Variants in KLF12 observed in about 807,000 individuals in gnomAD.
KLF12 encodes the protein Krueppel-like factor 12.
KLF12 carries 9 observed loss-of-function variants against 37.8 expected under a neutral mutation model. That is an observed-to-expected ratio of 0.24 (90% CI 0.14 to 0.42). The LOEUF is 0.42. Among genes scored for constraint, KLF12 ranks in the 10% least tolerant of loss-of-function variants. The pLI, the probability that KLF12 is intolerant of heterozygous loss-of-function variation, is 1.00. For missense variants in KLF12, 411 were observed against 516.0 expected (o/e 0.80, Z 1.97); for synonymous variants, 208 against 202.1 (o/e 1.03, Z -0.25).
the KLF12 span, among the ~76,000 whole-genome samples, chr13:74,229,605 A>T: frequency 2.6e-5 from 4 of 152,238 alleles, no homozygotes; most frequent in African/African-American, 4.8e-5. Flanking sequence ...CTATTCACTT[A>T]TACCAACACT....
the KLF12 span, among the ~76,000 whole-genome samples, chr13:74,197,871 G>A: frequency 6.6e-6 from 1 of 152,044 alleles, no homozygotes; most frequent in Non-Finnish European, 1.5e-5. Flanking sequence ...TCCAGGAGGA[G>A]GGTGGATACC....
Position 73,693,687 on chromosome 13 carries a change from T to C in KLF12, c.*1803A>G, listed in dbSNP as rs1873943482. The C allele has an allele frequency of 6.6e-6, 1 of 152,580 alleles. No individual in the cohort carries two copies. The highest frequency in any genetic ancestry group is 1.5e-5 in the Non-Finnish European group (1 of 68,022). 9.5% of individuals were successfully genotyped at this position (152,580 alleles called of 1,614,324 possible). On this transcript the variant is annotated 3_prime_UTR_variant, in exon 8 of 8. Coordinates refer to ENST00000377669, the MANE Select transcript of KLF12 (RefSeq NM_007249.5). ...GACATTTAAAAATGAGCTAGTAATATTGTGAGGTTAATATGTGCAATTCCC... is the reference window on the plus strand; with the variant it reads ...GACATTTAAAAATGAGCTAGTAATACTGTGAGGTTAATATGTGCAATTCCC...
chr13:74,240,236 GAAAATTCTTTTCTTTA>G, the KLF12 span, among the ~76,000 whole-genome samples: 1 of 148,614 alleles, frequency 6.7e-6, no homozygotes, highest in Non-Finnish European at 1.5e-5. Flanking sequence ...GTTCTGGGTT[GAAAATTCTTTTCTTTA>G]AGAATGTTGA....
intron 1 of KLF12, among the ~76,000 whole-genome samples, chr13:74,123,587 A>G (rs1196551255): frequency 6.6e-6 from 1 of 152,192 alleles, no homozygotes; most frequent in Non-Finnish European, 1.5e-5. Flanking sequence ...GGATGTCTCT[A>G]ACTGCACACT....
At chr13:74,114,707 C>G (rs1045084054) in intron 1 of KLF12, among the ~76,000 whole-genome samples, 3 of 152,170 alleles carry the variant, frequency 2.0e-5, no homozygotes, top group African/African-American at 7.2e-5. Context: ...AGAAATTGAT[C>G]TACCCTCAAT....
intron 3 of KLF12, among the ~76,000 whole-genome samples, chr13:73,918,043 T>A (rs1555325133): frequency 6.6e-6 from 1 of 151,812 alleles, no homozygotes; most frequent in Non-Finnish European, 1.5e-5. Context: ...TATACACACG[T>A]ACACATATAT....
chr13:73,945,184 C>T (rs1055798679), intron 2 of KLF12, among the ~76,000 whole-genome samples: 2 of 152,138 alleles, frequency 1.3e-5, no homozygotes, highest in Non-Finnish European at 2.9e-5. Context: ...ATAAGAACAA[C>T]TGGGCCAGGC....
intron 6 of KLF12, among the ~76,000 whole-genome samples, chr13:73,719,326 G>C (rs11839485): frequency 0.011 from 1,666 of 151,950 alleles, 29 homozygotes; most frequent in African/African-American, 0.038. Flanking sequence ...GTGGACTGGG[G>C]GTTTGTCTGA....
At chr13:74,090,775 C>A (rs556101038) in intron 1 of KLF12, among the ~76,000 whole-genome samples, 1 of 151,912 alleles carries the variant, frequency 6.6e-6, no homozygotes, top group East Asian at 1.9e-4. Flanking sequence ...TTTGTGTATT[C>A]TTCTCATTCT....
intron 4 of KLF12, among the ~76,000 whole-genome samples, chr13:73,822,390 C>T (rs1883577442): frequency 6.6e-6 from 1 of 152,144 alleles, no homozygotes; most frequent in African/African-American, 2.4e-5. Context: ...TCATTTCTAT[C>T]ACATGAATTA....
chr13:74,097,957 G>A, intron 1 of KLF12, among the ~76,000 whole-genome samples: 1 of 152,080 alleles, frequency 6.6e-6, no homozygotes, highest in East Asian at 1.9e-4. Flanking sequence ...GAATATTTAT[G>A]TATCAAACAA....
At position 73,809,217 on chromosome 13, in the gene KLF12, A is replaced by T. The variant is rs564386043; in HGVS notation, c.806+3935T>A. 1.9e-4 allele frequency among the ~76,000 whole-genome samples: 29 copies of T among 152,278 alleles called. No homozygotes were observed. In the South Asian group the frequency reaches 6.0e-3, roughly 32 times the overall value. ...GAGAGATCCACAGAGGTCCTTTGAA[A>T]TGTTTTCATTTTTTTACATGCTAAT... On this transcript the variant is annotated intron_variant, in intron 5 of 7. Transcript: ENST00000377669.
At chr13:73,960,962 T>A (rs938619868) in intron 2 of KLF12, among the ~76,000 whole-genome samples, 1 of 152,210 alleles carries the variant, frequency 6.6e-6, no homozygotes, top group Non-Finnish European at 1.5e-5. Flanking sequence ...TTATTTATTT[T>A]TTAACTACAG....
the KLF12 span, among the ~76,000 whole-genome samples, chr13:74,296,656 C>T: frequency 1.3e-5 from 2 of 152,190 alleles, no homozygotes; most frequent in Middle Eastern, 6.8e-3. Context: ...TTAATGATAC[C>T]TTTTTGACTT....
At chr13:73,976,793 A>G (rs1427263410) in intron 2 of KLF12, among the ~76,000 whole-genome samples, 1 of 152,168 alleles carries the variant, frequency 6.6e-6, no homozygotes, top group African/African-American at 2.4e-5. Context: ...GACAGAGTCA[A>G]TTTTCTAGGA....
chr13:73,978,584 T>A (rs972947739), intron 2 of KLF12, among the ~76,000 whole-genome samples: 2 of 152,202 alleles, frequency 1.3e-5, no homozygotes, highest in African/African-American at 4.8e-5. Context: ...TACCTTAGGA[T>A]CCACCAATCA....
the KLF12 span, among the ~76,000 whole-genome samples, chr13:74,182,267 TA>T: frequency 2.0e-5 from 3 of 152,354 alleles, no homozygotes; most frequent in African/African-American, 7.2e-5. Context: ...TTTCTTTTAT[TA>T]GTTTCTACTT....
chr13:73,815,437 C>T (rs767170040), intron 4 of KLF12, among the ~76,000 whole-genome samples: 20 of 152,196 alleles, frequency 1.3e-4, no homozygotes, highest in Non-Finnish European at 1.9e-4. Context: ...ACAACCAACA[C>T]TAAAGGAACG....
intron 1 of KLF12, among the ~76,000 whole-genome samples, chr13:74,109,995 A>C (rs562623638): frequency 6.6e-6 from 1 of 152,290 alleles, no homozygotes; most frequent in South Asian, 2.1e-4. Flanking sequence ...AAAAAGTATA[A>C]TATTGAAATG....
Sources: allele counts gnomAD v4.1 joint callset (sites outside exome capture counted in the v4.1 genomes callset), GRCh38; gene constraint gnomAD v4.1.1; transcripts MANE v1.5; gene names NCBI Gene and HGNC (gene_info 2026-07-23, HGNC 2026-07-21).